The following ITK variants were observed in gnomAD, a reference collection of about 807,000 sequenced individuals.
ITK encodes the protein tyrosine-protein kinase ITK/TSK.
A neutral mutation model predicts 87.6 loss-of-function variants in ITK; 45 were observed. The observed-to-expected ratio is 0.51, with a 90% CI of 0.40 to 0.66. The LOEUF (loss-of-function observed/expected upper bound fraction) is 0.66, where lower values mean the gene tolerates loss of function less well. Among genes scored for constraint, ITK ranks in the 30% least tolerant of loss-of-function variants. The pLI, the probability that ITK is intolerant of heterozygous loss-of-function variation, is 0.00. For synonymous variants in ITK, 303 were observed against 273.6 expected, an observed-to-expected ratio of 1.11 and a Z score of -1.06; for missense variants, 605 against 766.3, an observed-to-expected ratio of 0.79 and a Z score of 2.48.
intron 16 of ITK, 149 bp downstream of exon 16, chr5:157,249,156 C>T (rs1470362169): frequency 4.3e-5 from 32 of 744,488 alleles, no homozygotes; most frequent in African/African-American, 8.7e-5. Flanking sequence ...GATCTGTTAA[C>T]GGGATAGATC....
intron 6 of ITK, among the ~76,000 whole-genome samples, chr5:157,227,822 C>CT (rs34428784): frequency 0.044 from 3,769 of 84,910 alleles, 528 homozygotes; most frequent in African/African-American, 0.13. Context: ...TTACCAATTC[C>CT]TTTTTTTTTT....
chr5:157,234,501 G>A (rs1754736393), intron 8 of ITK, among the ~76,000 whole-genome samples: 2 of 152,096 alleles, frequency 1.3e-5, no homozygotes, highest in African/African-American at 4.8e-5. Context: ...ATAAGTATAG[G>A]ACCTTTAAGA....
At chr5:157,185,518 A>T (rs377513693) in intron 1 of ITK, among the ~76,000 whole-genome samples, 122 of 152,116 alleles carry the variant, frequency 8.0e-4, no homozygotes, top group African/African-American at 2.9e-3. Flanking sequence ...GGGATTACAG[A>T]TGTGAGCCAT....
intron 1 of ITK, among the ~76,000 whole-genome samples, chr5:157,200,039 C>T (rs943016189): frequency 8.9e-5 from 13 of 145,820 alleles, no homozygotes; most frequent in African/African-American, 2.8e-4. Context: ...GCCCTTAATA[C>T]AAGGGTTTGT....
At chr5:157,205,931 C>G (rs1754069630) in intron 1 of ITK, among the ~76,000 whole-genome samples, 1 of 149,702 alleles carries the variant, frequency 6.7e-6, no homozygotes. Context: ...TTGAACCAAC[C>G]TTGCATTCCT....
At chr5:157,231,430 C>T (rs1287169524) in intron 7 of ITK, among the ~76,000 whole-genome samples, 2 of 152,154 alleles carry the variant, frequency 1.3e-5, no homozygotes, top group African/African-American at 4.8e-5. Flanking sequence ...TCCCAATCCT[C>T]GATTAGATAA....
intron 15 of ITK, among the ~76,000 whole-genome samples, chr5:157,248,431 T>G (rs1057393469): frequency 2.0e-5 from 3 of 152,346 alleles, no homozygotes; most frequent in African/African-American, 7.2e-5. Context: ...GTGCCAATTC[T>G]GATCCCTCAT....
intron 1 of ITK, among the ~76,000 whole-genome samples, chr5:157,200,771 C>T (rs1753954274): frequency 6.6e-6 from 1 of 152,158 alleles, no homozygotes; most frequent in Admixed American, 6.5e-5. Context: ...TGTTAAGGCA[C>T]AGGCACAAAG....
At chr5:157,238,027 T>A (rs1754811819) in intron 8 of ITK, 82 bp from the exon 9 acceptor site, 2 of 1,026,948 alleles carry the variant, frequency 1.9e-6, no homozygotes, top group Non-Finnish European at 3.1e-6. Flanking sequence ...ATTTCCTCCT[T>A]CTGTGGGCAA....
chr5:157,213,160 A>C (rs1054871341), intron 3 of ITK, among the ~76,000 whole-genome samples: 34 of 152,144 alleles, frequency 2.2e-4, no homozygotes, highest in Non-Finnish European at 7.3e-5. Flanking sequence ...GGTGAAGGGG[A>C]GGCAATCACC....
chr5:157,224,627 AG>A (rs1316728308), intron 6 of ITK, among the ~76,000 whole-genome samples: 2 of 151,990 alleles, frequency 1.3e-5, no homozygotes, highest in Non-Finnish European at 2.9e-5. Flanking sequence ...TAAAAATACA[AG>A]AAATTAGCTG....
At chr5:157,243,838 A>G (rs773846743) in intron 12 of ITK, 44 bp downstream of exon 12, 3 of 1,580,436 alleles carry the variant, frequency 1.9e-6, no homozygotes, top group Non-Finnish European at 1.7e-6. Flanking sequence ...TGGGGGGAAC[A>G]TCGGTTCAGT....
At chr5:157,185,370 C>G (rs951580998) in intron 1 of ITK, among the ~76,000 whole-genome samples, 6 of 151,922 alleles carry the variant, frequency 3.9e-5, no homozygotes, top group South Asian at 2.1e-4. Flanking sequence ...TCTTGAGTAG[C>G]TGGAACTACG....
chr5:157,202,741 T>C (rs1754001240), intron 1 of ITK, among the ~76,000 whole-genome samples: 1 of 152,222 alleles, frequency 6.6e-6, no homozygotes, highest in African/African-American at 2.4e-5. Flanking sequence ...ATATTTTAGA[T>C]ATTGGGTTAA....
chr5:157,230,905 A>C (rs932136554), intron 7 of ITK, among the ~76,000 whole-genome samples: 1 of 152,266 alleles, frequency 6.6e-6, no homozygotes, highest in Non-Finnish European at 1.5e-5. Context: ...CAATCTAGTT[A>C]TACTGTGCAC....
At chr5:157,237,217 A>G (rs1176050193) in intron 8 of ITK, among the ~76,000 whole-genome samples, 1 of 152,224 alleles carries the variant, frequency 6.6e-6, no homozygotes, top group Non-Finnish European at 1.5e-5. Context: ...GCGCCCTGAA[A>G]AAGAACAAAA....
chr5:157,232,783 G>A (rs1754686286), intron 8 of ITK, among the ~76,000 whole-genome samples: 1 of 152,172 alleles, frequency 6.6e-6, no homozygotes, highest in African/African-American at 2.4e-5. Context: ...AGAAACCTGG[G>A]CTTGGCATTG....
intron 2 of ITK, among the ~76,000 whole-genome samples, chr5:157,209,777 TG>T (rs1197866302): frequency 6.6e-6 from 1 of 152,142 alleles, no homozygotes; most frequent in Non-Finnish European, 1.5e-5. Context: ...TAGCCACACA[TG>T]GATGTTCACA....
At chr5:157,209,442 G>C (rs1754145329) in intron 2 of ITK, among the ~76,000 whole-genome samples, 1 of 151,956 alleles carries the variant, frequency 6.6e-6, no homozygotes, top group Non-Finnish European at 1.5e-5. Context: ...AAACGTATGT[G>C]TTCCTTCCAT....
Sources: gnomAD v4.1 joint callset for allele counts (sites outside exome capture counted in the v4.1 genomes callset) on GRCh38, gnomAD v4.1.1 for gene constraint, MANE v1.5 for transcripts, NCBI Gene and HGNC (gene_info 2026-07-23, HGNC 2026-07-21) for gene names.